The following RHOA variants were observed in gnomAD, a reference collection of about 807,000 sequenced individuals.
The protein encoded by RHOA is transforming protein RhoA.
RHOA carries 3 observed loss-of-function variants against 17.5 expected under a neutral mutation model. The ratio of observed to expected loss-of-function variants is 0.17; its 90% CI spans 0.08 to 0.44. The LOEUF is 0.44. Among genes scored for constraint, RHOA ranks in the 20% least tolerant of loss-of-function variants. The probability of loss-of-function intolerance (pLI) is 0.99; values close to 1 mark genes in which losing one functional copy is unlikely to be tolerated. For missense variants in RHOA, 56 were observed against 242.3 expected (o/e 0.23, Z 5.10); for synonymous variants, 98 against 88.4 (o/e 1.11, Z -0.61).
At chr3:49,360,977 G>T in intron 4 of RHOA, 1 of 319,346 alleles carries the variant, frequency 3.1e-6, no homozygotes, top group South Asian at 2.2e-5. Flanking sequence ...GGAGGCTGAG[G>T]CAGGGGAATC....
rs1345262825 is a variant in RHOA, at chr3:49,375,671, C to A, written c.-2-80G>T. The A allele has an allele frequency of 2.1e-6, 3 of 1,459,442 alleles. No homozygotes were observed. In the African/African-American group the frequency reaches 4.2e-5, roughly 20 times the overall value. The allele number at this position is 1,459,442 out of a possible 1,614,324, so 90.4% of individuals were successfully genotyped here. ...TACAGGATGACACATGCTTTGGTAA[C>A]CATGGGGCATAAACCTCTATTAGCA... On this transcript the variant is annotated intron_variant, in intron 1 of 4. Transcript: ENST00000418115.
intron 1 of RHOA, among the ~76,000 whole-genome samples, chr3:49,408,900 C>G (rs2048884661): frequency 6.6e-6 from 1 of 151,906 alleles, no homozygotes; most frequent in Admixed American, 6.5e-5. Flanking sequence ...TCACGCCATT[C>G]CCCTGCCTCA....
chr3:49,396,242 T>C (rs1559513671), intron 1 of RHOA, among the ~76,000 whole-genome samples: 1 of 152,070 alleles, frequency 6.6e-6, no homozygotes, highest in East Asian at 1.9e-4. Context: ...TGAGAAAACG[T>C]GGGCACTGAG....
At chr3:49,400,207 ATC>A (rs2048699628) in intron 1 of RHOA, among the ~76,000 whole-genome samples, 1 of 76,534 alleles carries the variant, frequency 1.3e-5, no homozygotes, top group African/African-American at 4.6e-5. Context: ...GCGAGACTCC[ATC>A]TCAAAAAAAA....
chr3:49,404,926 G>A lies in RHOA; in HGVS notation c.-3+6894C>T, dbSNP rs1294576968. ...TGCACTCCAGCCTGGGCGACAGAGC[G>A]AGACTCTTGTCTCCAAAAAAAAAAA... On this transcript the variant is annotated intron_variant, in intron 1 of 4. Transcript: ENST00000418115. Among the ~76,000 whole-genome samples the A allele has an allele frequency of 2.1e-5, 3 of 146,098 alleles. No individual in the cohort carries two copies. In the Admixed American group the frequency reaches 2.1e-4, roughly 10 times the overall value.
chr3:49,393,964 G>A (rs1404153182), intron 1 of RHOA, among the ~76,000 whole-genome samples: 3 of 151,306 alleles, frequency 2.0e-5, no homozygotes, highest in South Asian at 4.2e-4. Flanking sequence ...TCCACCTCCC[G>A]GGTTCACGCC....
At chr3:49,400,220 A>C (rs1246051659) in intron 1 of RHOA, among the ~76,000 whole-genome samples, 9 of 9,818 alleles carry the variant, frequency 9.2e-4, no homozygotes, top group East Asian at 0.024. Context: ...TCAAAAAAAA[A>C]AAAAAACAAA....
At chr3:49,384,839 T>C (rs1255133027) in intron 1 of RHOA, among the ~76,000 whole-genome samples, 2 of 152,016 alleles carry the variant, frequency 1.3e-5, no homozygotes, top group African/African-American at 2.4e-5. Flanking sequence ...GATGGGCAGA[T>C]CACTTGAGGT....
At chr3:49,376,975 A>G (rs1465007628) in intron 1 of RHOA, among the ~76,000 whole-genome samples, 1 of 152,128 alleles carries the variant, frequency 6.6e-6, no homozygotes, top group Non-Finnish European at 1.5e-5. Context: ...CCAAAAATAC[A>G]AAATTAGCCA....
At chr3:49,402,504 T>C (rs1220547457) in intron 1 of RHOA, among the ~76,000 whole-genome samples, 2 of 151,870 alleles carry the variant, frequency 1.3e-5, no homozygotes, top group East Asian at 1.9e-4. Context: ...CAAAACGTCA[T>C]CTCTATAAAA....
chr3:49,411,789 C>T (rs2048943387), intron 1 of RHOA, 31 bp downstream of exon 1: 1 of 151,866 alleles, frequency 6.6e-6, no homozygotes. Context: ...CCTGGGGCCC[C>T]GCGGCGCCTG....
chr3:49,401,958 C>T (rs2048730533), intron 1 of RHOA, among the ~76,000 whole-genome samples: 1 of 152,160 alleles, frequency 6.6e-6, no homozygotes, highest in Non-Finnish European at 1.5e-5. Context: ...AGTTCAAGAG[C>T]TTTCCTTTCT....
chr3:49,383,754 G>A (rs1419418884), intron 1 of RHOA, among the ~76,000 whole-genome samples: 1 of 152,168 alleles, frequency 6.6e-6, no homozygotes, highest in African/African-American at 2.4e-5. Flanking sequence ...GTCCAGCCAG[G>A]CACGGTGGCT....
chr3:49,370,167 A>G (rs2048127819), intron 2 of RHOA, among the ~76,000 whole-genome samples: 1 of 152,138 alleles, frequency 6.6e-6, no homozygotes, highest in African/African-American at 2.4e-5. Context: ...GGACTGCTTG[A>G]GCCCGGGAGG....
chr3:49,401,447 G>C (rs959163215), intron 1 of RHOA, among the ~76,000 whole-genome samples: 1 of 151,630 alleles, frequency 6.6e-6, no homozygotes, highest in Non-Finnish European at 1.5e-5. Flanking sequence ...GAGCCCAAGA[G>C]TTTGACACCA....
At chr3:49,404,433 AAC>A (rs374020319) in intron 1 of RHOA, among the ~76,000 whole-genome samples, 5 of 90,762 alleles carry the variant, frequency 5.5e-5, no homozygotes, top group African/African-American at 2.0e-4. Flanking sequence ...TCTCTAGTAA[AAC>A]ACACACACAC....
intron 1 of RHOA, among the ~76,000 whole-genome samples, chr3:49,384,255 T>C (rs907967661): frequency 6.6e-6 from 1 of 152,186 alleles, no homozygotes; most frequent in Non-Finnish European, 1.5e-5. Context: ...TGTTTTCTCC[T>C]TGAAAAACGC....
chr3:49,376,900 A>C (rs1184074974), intron 1 of RHOA, among the ~76,000 whole-genome samples: 2 of 151,822 alleles, frequency 1.3e-5, no homozygotes, highest in Admixed American at 1.3e-4. Context: ...AGGCCGAGGC[A>C]GGCAGATCAC....
intron 1 of RHOA, among the ~76,000 whole-genome samples, chr3:49,408,159 A>T (rs2107914466): frequency 3.6e-5 from 1 of 27,950 alleles, no homozygotes; most frequent in South Asian, 3.0e-3. Flanking sequence ...ACTCAGTCTC[A>T]AAAGAGAAAA....
Sources: allele counts gnomAD v4.1 joint callset (sites outside exome capture counted in the v4.1 genomes callset), GRCh38; gene constraint gnomAD v4.1.1; transcripts MANE v1.5; gene names NCBI Gene and HGNC (gene_info 2026-07-23, HGNC 2026-07-21).